The following ARHGAP24 variants were observed in gnomAD, a reference collection of about 807,000 sequenced individuals.
The protein encoded by ARHGAP24 is Rho GTPase activating protein 24.
Under a neutral mutation model 76.4 loss-of-function variants are expected in ARHGAP24, and 50 were observed. That is an observed-to-expected ratio of 0.65 (90% CI 0.52 to 0.83). The LOEUF is 0.83. Among genes scored for constraint, ARHGAP24 ranks in the 40% least tolerant of loss-of-function variants. The pLI, the probability that ARHGAP24 is intolerant of heterozygous loss-of-function variation, is 0.00. For synonymous variants in ARHGAP24, 345 were observed against 323.3 expected (o/e 1.07, Z -0.72); for missense variants, 930 against 914.2 (o/e 1.02, Z -0.22).
At chr4:85,864,610 AGT>A (rs1491469933) in intron 3 of ARHGAP24, among the ~76,000 whole-genome samples, 9 of 14,390 alleles carry the variant, frequency 6.3e-4, no homozygotes, top group Non-Finnish European at 7.2e-4. Context: ...CAGGAAAATC[AGT>A]TTTTTTTTTT....
intron 2 of ARHGAP24, among the ~76,000 whole-genome samples, chr4:85,580,630 G>C (rs762512302): frequency 5.3e-5 from 8 of 152,084 alleles, no homozygotes; most frequent in Non-Finnish European, 1.0e-4. Flanking sequence ...TATTACTCAA[G>C]GATAAGTGCA....
intron 2 of ARHGAP24, among the ~76,000 whole-genome samples, chr4:85,578,479 G>T (rs1383974): frequency 6.6e-6 from 1 of 152,102 alleles, no homozygotes; most frequent in African/African-American, 2.4e-5. Context: ...TGATTTGTCC[G>T]GTATAGGCAC....
rs1324734800 is a variant in ARHGAP24 at position 85,977,622 on chromosome 4, A to G, written c.859A>G (p.Asn287Asp). The G allele has an allele frequency of 6.2e-7, 1 of 1,613,854 alleles. No homozygotes were observed. The highest frequency in any genetic ancestry group is 8.5e-7 in the Non-Finnish European group (1 of 1,179,864). ...GGGAGTTAACAAAATGAGTGTGCAG[A>G]ACTTGGCAACGGTCTTTGGTCCTAA... ...YSGVNKMSVQNLATVFGPNIL... is the reference protein window; with the variant it reads ...YSGVNKMSVQDLATVFGPNIL... The change falls in exon 8 of 10, where the codon AAC (asparagine) becomes GAC (aspartate). Residue 287 changes from asparagine (N) to aspartate (D), a missense_variant. By Grantham distance (23) the Asn-to-Asp change is conservative (BLOSUM62 1). Coordinates refer to ENST00000395184, the MANE Select transcript of ARHGAP24 (RefSeq NM_001025616.3).
rs1560655101 is a variant in ARHGAP24, at chr4:85,827,924, G to T, written c.269-95724G>T. The stretch of plus-strand genomic sequence containing the variant: ...GAGCAGCTGCTCTGTCTCCCAGCTT[G>T]CAAGTGCAGCCTGCATTTGTCACTG... On this transcript the variant is annotated intron_variant, in intron 3 of 9. Transcript: ENST00000395184. 3.1e-6 allele frequency: 4 copies of T among 1,289,750 alleles called. 1 individual carries two copies. In the South Asian group the frequency reaches 4.9e-5, roughly 16 times the overall value. The allele number at this position is 1,289,750 out of a possible 1,614,324, so 79.9% of individuals were successfully genotyped here.
At chr4:85,883,920 A>AT (rs1259414505) in intron 3 of ARHGAP24, among the ~76,000 whole-genome samples, 1 of 152,150 alleles carries the variant, frequency 6.6e-6, no homozygotes, top group Non-Finnish European at 1.5e-5. Context: ...CTGGTCCTCA[A>AT]TTTCTTTATC....
chr4:85,528,066 T>C (rs909620825), intron 1 of ARHGAP24, among the ~76,000 whole-genome samples: 1 of 152,090 alleles, frequency 6.6e-6, no homozygotes, highest in Non-Finnish European at 1.5e-5. Context: ...GTGTTATGTT[T>C]GTGCTGCATT....
intron 3 of ARHGAP24, among the ~76,000 whole-genome samples, chr4:85,765,171 CA>C (rs904564954): frequency 3.3e-5 from 5 of 151,858 alleles, no homozygotes; most frequent in Admixed American, 6.6e-5. Flanking sequence ...AGATATGCTA[CA>C]AAAAAAGGTG....
At chr4:85,592,664 A>G (rs1728165578) in intron 2 of ARHGAP24, among the ~76,000 whole-genome samples, 1 of 152,132 alleles carries the variant, frequency 6.6e-6, no homozygotes, top group East Asian at 1.9e-4. Context: ...GTAACCAGTC[A>G]TTCTACTGTC....
In ARHGAP24 at chr4:85,721,817, G is replaced by A. The variant is rs936017329; in HGVS notation, c.181-68G>A. 4.4e-6 allele frequency: 6 copies of A among 1,351,824 alleles called. No individual in the cohort carries two copies. The African/African-American group carries it at 8.6e-5, about 19-fold the overall frequency. The allele number at this position is 1,351,824 out of a possible 1,614,324, so 83.7% of individuals were successfully genotyped here. A position where few individuals can be genotyped will look rare whatever the true frequency, so the allele number is the denominator to read the frequency against. On this transcript the variant is annotated intron_variant, in intron 2 of 9. Transcript: ENST00000395184. ...TATAGCTACACCTTGGATATTCACTGATTATAATGATGATATATGATGTTT... is the reference window on the plus strand; with the variant it reads ...TATAGCTACACCTTGGATATTCACTAATTATAATGATGATATATGATGTTT...
chr4:85,653,471 T>TTTAA (rs1034124682), intron 2 of ARHGAP24, among the ~76,000 whole-genome samples: 5 of 129,208 alleles, frequency 3.9e-5, no homozygotes, highest in East Asian at 5.2e-4. Flanking sequence ...ATGTAAATTA[T>TTTAA]TTAATTAATT....
At chr4:85,491,049 TC>T (rs1723337472) in intron 1 of ARHGAP24, among the ~76,000 whole-genome samples, 1 of 152,194 alleles carries the variant, frequency 6.6e-6, no homozygotes. Context: ...AATCTTTTTT[TC>T]CACCTGCAAT....
At chr4:85,623,253 C>T (rs1720790508) in intron 2 of ARHGAP24, among the ~76,000 whole-genome samples, 1 of 151,932 alleles carries the variant, frequency 6.6e-6, no homozygotes, top group South Asian at 2.1e-4. Context: ...GTCTTTAATC[C>T]ATCTTGAATT....
intron 3 of ARHGAP24, among the ~76,000 whole-genome samples, chr4:85,846,494 C>A (rs1730893444): frequency 6.6e-6 from 1 of 152,118 alleles, no homozygotes; most frequent in Admixed American, 6.5e-5. Flanking sequence ...CATAAATAAC[C>A]CACTATCAAA....
intron 3 of ARHGAP24, among the ~76,000 whole-genome samples, chr4:85,911,348 G>T (rs897098494): frequency 6.6e-6 from 1 of 152,110 alleles, no homozygotes; most frequent in Non-Finnish European, 1.5e-5. Flanking sequence ...GCAGTGGCAG[G>T]CTGTCTGGAG....
In ARHGAP24 at chr4:85,572,066, C is replaced by A. The variant is rs545362333; in HGVS notation, c.180+1345C>A. 5.9e-5 allele frequency among the ~76,000 whole-genome samples: 9 copies of A among 152,262 alleles called. No homozygotes were observed. In the East Asian group the frequency reaches 1.7e-3, roughly 29 times the overall value. ...GGGATTATTTTTACAGAGGAGGAAA[C>A]TGTGGCTTAGAGATATGAAGTGATG... On this transcript the variant is annotated intron_variant, in intron 2 of 9. Coordinates refer to ENST00000395184, the MANE Select transcript of ARHGAP24 (RefSeq NM_001025616.3).
intron 3 of ARHGAP24, among the ~76,000 whole-genome samples, chr4:85,918,807 C>T (rs1202197138): frequency 1.3e-5 from 2 of 152,024 alleles, no homozygotes; most frequent in Non-Finnish European, 2.9e-5. Flanking sequence ...AATGATGTGG[C>T]CAACTTAGTT....
intron 1 of ARHGAP24, among the ~76,000 whole-genome samples, chr4:85,510,192 T>TA (rs1463543477): frequency 6.6e-6 from 1 of 152,086 alleles, no homozygotes; most frequent in Non-Finnish European, 1.5e-5. Context: ...ATGAGAAAAA[T>TA]AAAAAATGAG....
At chr4:85,617,175 A>G (rs1044140187) in intron 2 of ARHGAP24, among the ~76,000 whole-genome samples, 11 of 148,134 alleles carry the variant, frequency 7.4e-5, no homozygotes, top group Non-Finnish European at 1.5e-5. Context: ...TGTTAAATAT[A>G]TCTATAATTC....
chr4:85,511,444 TTTATTTTA>T (rs889973967), intron 1 of ARHGAP24, among the ~76,000 whole-genome samples: 53 of 151,476 alleles, frequency 3.5e-4, no homozygotes, highest in African/African-American at 1.1e-3. Context: ...TTTATTTTAT[TTTATTTTA>T]TTATTTTATT....
Sources: allele counts gnomAD v4.1 joint callset (sites outside exome capture counted in the v4.1 genomes callset), GRCh38; gene constraint gnomAD v4.1.1; transcripts MANE v1.5; gene names NCBI Gene and HGNC (gene_info 2026-07-23, HGNC 2026-07-21).